GNA14: variants seen among roughly 807,000 people sequenced by gnomAD.
GNA14 encodes guanine nucleotide-binding protein subunit alpha-14.
Under a neutral mutation model 42.0 loss-of-function variants are expected in GNA14, and 50 were observed. The observed-to-expected ratio is 1.19, with a 90% CI of 0.95 to 1.51. The LOEUF is 1.51. Ranked by LOEUF, GNA14 falls within the 40% of genes most tolerant of loss-of-function variation. The probability of loss-of-function intolerance (pLI) is 0.00; values close to 1 mark genes in which losing one functional copy is unlikely to be tolerated. For missense variants in GNA14, 473 were observed against 446.2 expected (o/e 1.06, Z -0.54); for synonymous variants, 173 against 163.1 (o/e 1.06, Z -0.46).
intron 5 of GNA14, among the ~76,000 whole-genome samples, chr9:77,426,086 C>G (rs1310783280): frequency 6.6e-6 from 1 of 152,140 alleles, no homozygotes; most frequent in Non-Finnish European, 1.5e-5. Context: ...TGGGGAAGTG[C>G]CAGCTTCAGA....
intron 1 of GNA14, among the ~76,000 whole-genome samples, chr9:77,591,288 G>C (rs995026126): frequency 1.3e-4 from 20 of 152,176 alleles, no homozygotes; most frequent in Non-Finnish European, 5.9e-5. Context: ...TTAATATCAA[G>C]TTGTCCTGGT....
chr9:77,647,776 G>A lies in GNA14; in HGVS notation c.18C>T (p.Cys6=). ...GCGACTCCTTCTCCTCCGCGGACAG[G>A]CAGCAGCAGCCGGCCATGGTGCGCT... is the stretch of plus-strand genomic sequence containing the variant. MAGCC[C]LSAEEKESQR... The change falls in exon 1 of 7, where the codon TGC becomes TGT. Residue 6 remains cysteine (C), a synonymous_variant. Transcript: ENST00000341700. 6.2e-7 allele frequency: 1 copy of A among 1,609,472 alleles called. No individual in the cohort carries two copies. The highest frequency in any genetic ancestry group is 8.5e-7 in the Non-Finnish European group (1 of 1,178,798).
At chr9:77,487,617 A>C (rs1449095440) in intron 2 of GNA14, among the ~76,000 whole-genome samples, 1 of 152,254 alleles carries the variant, frequency 6.6e-6, no homozygotes, top group Non-Finnish European at 1.5e-5. Flanking sequence ...CTGAAAACAC[A>C]GATAGGCACT....
intron 1 of GNA14, among the ~76,000 whole-genome samples, chr9:77,545,679 C>T (rs1328432939): frequency 2.0e-5 from 3 of 152,310 alleles, no homozygotes; most frequent in South Asian, 2.1e-4. Flanking sequence ...CCTGCTGATT[C>T]CCTGGTCAGA....
At chr9:77,501,082 A>G (rs533468308) in intron 2 of GNA14, among the ~76,000 whole-genome samples, 75 of 152,054 alleles carry the variant, frequency 4.9e-4, no homozygotes, top group African/African-American at 1.4e-3. Context: ...AGCCTCCCAA[A>G]TAACTGGGAC....
intron 1 of GNA14, among the ~76,000 whole-genome samples, chr9:77,538,149 C>A (rs528053331): frequency 1.6e-3 from 235 of 151,454 alleles, no homozygotes; most frequent in African/African-American, 5.5e-3. Flanking sequence ...TAGCTTACTG[C>A]AGCCACAAAT....
intron 2 of GNA14, among the ~76,000 whole-genome samples, chr9:77,507,165 G>A (rs1837085287): frequency 6.6e-6 from 1 of 152,188 alleles, no homozygotes; most frequent in African/African-American, 2.4e-5. Context: ...ATTTCAACAT[G>A]CCTTTGCCTC....
intron 2 of GNA14, among the ~76,000 whole-genome samples, chr9:77,443,238 T>C (rs1835764495): frequency 6.6e-6 from 1 of 152,260 alleles, no homozygotes; most frequent in South Asian, 2.1e-4. Flanking sequence ...CTGTAGAATA[T>C]ATACTTTTTA....
At chr9:77,561,359 G>A (rs1044855145) in intron 1 of GNA14, among the ~76,000 whole-genome samples, 2 of 151,954 alleles carry the variant, frequency 1.3e-5, no homozygotes, top group Admixed American at 6.6e-5. Context: ...CCGAATAAAG[G>A]ATAAGAAATA....
chr9:77,506,545 C>T (rs1053274281), intron 2 of GNA14, among the ~76,000 whole-genome samples: 2 of 151,582 alleles, frequency 1.3e-5, no homozygotes, highest in African/African-American at 2.4e-5. Flanking sequence ...GGCTTGGTGG[C>T]ACATGTCTGT....
intron 1 of GNA14, among the ~76,000 whole-genome samples, chr9:77,594,618 G>T (rs1250588481): frequency 6.6e-6 from 1 of 152,126 alleles, no homozygotes; most frequent in Non-Finnish European, 1.5e-5. Flanking sequence ...ATTGTGAAAG[G>T]GGCCCCACGC....
intron 2 of GNA14, among the ~76,000 whole-genome samples, chr9:77,455,165 T>C (rs1050631610): frequency 1.3e-5 from 2 of 152,198 alleles, no homozygotes; most frequent in Non-Finnish European, 2.9e-5. Flanking sequence ...TCCTCAGGAC[T>C]GTAGGACTGA....
At chr9:77,573,189 G>A (rs1045293120) in intron 1 of GNA14, among the ~76,000 whole-genome samples, 8 of 152,062 alleles carry the variant, frequency 5.3e-5, no homozygotes, top group East Asian at 1.9e-4. Flanking sequence ...TGGCTCACGC[G>A]TGTAATCCTA....
chr9:77,587,225 T>G (rs72732775), intron 1 of GNA14, among the ~76,000 whole-genome samples: 420 of 152,314 alleles, frequency 2.8e-3, no homozygotes, highest in Non-Finnish European at 4.3e-3. Flanking sequence ...TCAGCTGTTA[T>G]GGAAAATAGT....
intron 2 of GNA14, among the ~76,000 whole-genome samples, chr9:77,468,012 C>T (rs1303120913): frequency 6.6e-6 from 1 of 152,174 alleles, no homozygotes; most frequent in East Asian, 1.9e-4. Flanking sequence ...CTCAGCCACA[C>T]TTGCCTAAAA....
At chr9:77,486,292 G>A (rs1482482197) in intron 2 of GNA14, among the ~76,000 whole-genome samples, 2 of 152,062 alleles carry the variant, frequency 1.3e-5, no homozygotes, top group African/African-American at 2.4e-5. Flanking sequence ...AGCTTTTATT[G>A]TGCAGCTTCC....
At chr9:77,527,008 C>T (rs1478234326) in intron 2 of GNA14, among the ~76,000 whole-genome samples, 4 of 152,184 alleles carry the variant, frequency 2.6e-5, no homozygotes, top group South Asian at 2.1e-4. Flanking sequence ...ACAAACGCTG[C>T]TGCCAACGTA....
intron 1 of GNA14, among the ~76,000 whole-genome samples, chr9:77,571,896 A>T (rs1373668489): frequency 6.6e-6 from 1 of 152,196 alleles, no homozygotes; most frequent in Non-Finnish European, 1.5e-5. Context: ...TGGGTTAAAT[A>T]AACATATATT....
At chr9:77,537,504 C>T (rs886449447) in intron 1 of GNA14, among the ~76,000 whole-genome samples, 2 of 152,220 alleles carry the variant, frequency 1.3e-5, no homozygotes, top group South Asian at 4.1e-4. Flanking sequence ...TAGGTTGATT[C>T]CTTATCTTTG....
Sources: gnomAD v4.1 joint callset for allele counts (sites outside exome capture counted in the v4.1 genomes callset) on GRCh38, gnomAD v4.1.1 for gene constraint, MANE v1.5 for transcripts, NCBI Gene and HGNC (gene_info 2026-07-23, HGNC 2026-07-21) for gene names.